GLIS3: variants seen among roughly 807,000 people sequenced by gnomAD.
GLIS3 encodes the protein zinc finger protein GLIS3.
Under a neutral mutation model 78.6 loss-of-function variants are expected in GLIS3, and 53 were observed. The ratio of observed to expected loss-of-function variants is 0.67; its 90% CI spans 0.54 to 0.85. The LOEUF (loss-of-function observed/expected upper bound fraction) is 0.85, where lower values mean the gene tolerates loss of function less well. GLIS3 is among the 40% of genes least tolerant of loss of function. The pLI is 0.00. For missense variants in GLIS3, 1,703 were observed against 1,231.1 expected (o/e 1.38, Z -5.74); for synonymous variants, 684 against 509.9 (o/e 1.34, Z -4.60).
chr9:4,197,184 C>T (rs1176581622), intron 2 of GLIS3, among the ~76,000 whole-genome samples: 1 of 152,158 alleles, frequency 6.6e-6, no homozygotes, highest in African/African-American at 2.4e-5. Context: ...GGCAGATCTC[C>T]AGGCCTTTGG....
chr9:4,200,622 C>T (rs1302539353), intron 2 of GLIS3, among the ~76,000 whole-genome samples: 1 of 152,084 alleles, frequency 6.6e-6, no homozygotes, highest in Non-Finnish European at 1.5e-5. Flanking sequence ...AATTAAAACC[C>T]TGAACAGACC....
At chr9:3,870,545 G>C (rs1228712208) in intron 8 of GLIS3, among the ~76,000 whole-genome samples, 1 of 152,216 alleles carries the variant, frequency 6.6e-6, no homozygotes, top group African/African-American at 2.4e-5. Context: ...AATCATGGCA[G>C]AAGGTAAGGA....
intron 1 of GLIS3, among the ~76,000 whole-genome samples, chr9:4,288,176 T>C (rs1828159128): frequency 6.6e-6 from 1 of 152,190 alleles, no homozygotes; most frequent in Non-Finnish European, 1.5e-5. Flanking sequence ...TGTAAATCCA[T>C]TCATTGGTAG....
rs1824603352 is a variant in GLIS3, at chr9:4,253,540, G to GACA, written c.388+32497_388+32498insTGT. Among the ~76,000 whole-genome samples, 4 of 152,212 alleles carry GACA rather than the reference G, an allele frequency of 2.6e-5. 1 individual carries two copies. The highest frequency in any genetic ancestry group is 2.6e-4 in the Admixed American group (4 of 15,284). On this transcript the variant is annotated intron_variant, in intron 2 of 10. Transcript: ENST00000381971. ...TGAAGCCAGTGGATCTTGGCTTGCTGGGCTCTGTGCGGGTGGGATCCGCTG... is the reference window on the plus strand; with the variant it reads ...TGAAGCCAGTGGATCTTGGCTTGCTGACAGGCTCTGTGCGGGTGGGATCCGCTG...
At chr9:4,388,039 T>A in the GLIS3 span, among the ~76,000 whole-genome samples, 2 of 152,196 alleles carry the variant, frequency 1.3e-5, no homozygotes, top group Admixed American at 6.5e-5. Context: ...AACCAATGTT[T>A]TGTTTTTGAC....
chr9:4,145,582 A>C (rs1191296351), intron 2 of GLIS3, among the ~76,000 whole-genome samples: 1 of 152,172 alleles, frequency 6.6e-6, no homozygotes, highest in Non-Finnish European at 1.5e-5. Flanking sequence ...AAAAGCCCAT[A>C]ATGCCTAAGA....
At chr9:4,214,248 T>C (rs543026215) in intron 2 of GLIS3, among the ~76,000 whole-genome samples, 6 of 152,358 alleles carry the variant, frequency 3.9e-5, no homozygotes, top group South Asian at 2.1e-4. Flanking sequence ...GTGCGCATTT[T>C]TGTGGAATGG....
the GLIS3 span, among the ~76,000 whole-genome samples, chr9:4,409,300 A>G: frequency 2.6e-5 from 4 of 152,336 alleles, no homozygotes; most frequent in East Asian, 7.7e-4. Context: ...AGGTTGACAA[A>G]GTAAACTTTA....
At chr9:4,285,050 T>C (rs988114853) in intron 2 of GLIS3, among the ~76,000 whole-genome samples, 1 of 152,226 alleles carries the variant, frequency 6.6e-6, no homozygotes, top group Non-Finnish European at 1.5e-5. Flanking sequence ...ACTTGACTGA[T>C]AGAAATCATT....
At chr9:3,985,522 T>C (rs139957355) in intron 4 of GLIS3, among the ~76,000 whole-genome samples, 409 of 152,330 alleles carry the variant, frequency 2.7e-3, no homozygotes, top group African/African-American at 9.4e-3. Flanking sequence ...TTACAAAGCA[T>C]TGCTTCTTGG....
chr9:3,953,793 CTCTATA>C (rs1378133006), intron 4 of GLIS3, among the ~76,000 whole-genome samples: 597 of 46,780 alleles, frequency 0.013, 5 homozygotes, highest in African/African-American at 0.034. Flanking sequence ...CTCTCTCTCT[CTCTATA>C]TATATATATA....
intron 4 of GLIS3, among the ~76,000 whole-genome samples, chr9:3,944,913 G>T (rs1816188480): frequency 6.6e-6 from 1 of 152,228 alleles, no homozygotes; most frequent in South Asian, 2.1e-4. Context: ...AGCCAAAAGG[G>T]AAGTTGGCAT....
chr9:4,330,363 G>C (rs1006426862), intron 2 of GLIS3, among the ~76,000 whole-genome samples: 4 of 152,374 alleles, frequency 2.6e-5, no homozygotes, highest in South Asian at 2.1e-4. Flanking sequence ...GGCCCTGCGA[G>C]TTGGCACTGC....
Position 4,042,787 on chromosome 9 carries a change from A to G in GLIS3, c.1710+74981T>C, listed in dbSNP as rs544357350. Among the ~76,000 whole-genome samples the G allele has an allele frequency of 3.3e-5, 5 of 152,322 alleles. No individual in the cohort carries two copies. In the South Asian group the frequency reaches 1.0e-3, roughly 32 times the overall value. ...GAAAACAATATATGATTTTAGTGACAATAAAAGCAGCAAGGGCTTTCTTGA... is the reference window on the plus strand; with the variant it reads ...GAAAACAATATATGATTTTAGTGACGATAAAAGCAGCAAGGGCTTTCTTGA... On this transcript the variant is annotated intron_variant, in intron 4 of 10. Coordinates refer to ENST00000381971, the MANE Select transcript of GLIS3 (RefSeq NM_001042413.2).
At chr9:4,432,773 T>C in the GLIS3 span, among the ~76,000 whole-genome samples, 7 of 151,656 alleles carry the variant, frequency 4.6e-5, no homozygotes, top group Non-Finnish European at 7.4e-5. Context: ...CCCGAGTAGC[T>C]GGGATTATAG....
the GLIS3 span, among the ~76,000 whole-genome samples, chr9:4,461,781 C>T: frequency 6.6e-6 from 1 of 152,154 alleles, no homozygotes; most frequent in Non-Finnish European, 1.5e-5. Flanking sequence ...ACACCCTCAG[C>T]ATAGGTCCTA....
intron 4 of GLIS3, among the ~76,000 whole-genome samples, chr9:3,953,759 TGCTCTCTCTCTCTCTCTCTCTCTCTCTC>T (rs1816853976): frequency 3.6e-5 from 4 of 111,394 alleles, no homozygotes; most frequent in African/African-American, 1.5e-4. Context: ...TAATTAGATT[TGCTCTCTCTCTCTCTCTCTCTCTCTCTC>T]TCTCTCTCTA....
At chr9:3,973,982 A>G (rs1023174491) in intron 4 of GLIS3, among the ~76,000 whole-genome samples, 3 of 152,222 alleles carry the variant, frequency 2.0e-5, no homozygotes, top group South Asian at 4.1e-4. Flanking sequence ...TCTTATAAAA[A>G]AATCAAACAT....
intron 4 of GLIS3, among the ~76,000 whole-genome samples, chr9:3,990,688 T>G (rs1261357584): frequency 6.6e-6 from 1 of 152,154 alleles, no homozygotes; most frequent in African/African-American, 2.4e-5. Context: ...GAAGGAAAAT[T>G]TCACACTCAG....
Sources: allele counts gnomAD v4.1 joint callset (sites outside exome capture counted in the v4.1 genomes callset), GRCh38; gene constraint gnomAD v4.1.1; transcripts MANE v1.5; gene names NCBI Gene and HGNC (gene_info 2026-07-23, HGNC 2026-07-21).